The following DIAPH3 variants were observed in gnomAD, a reference collection of about 807,000 sequenced individuals.
DIAPH3 encodes protein diaphanous homolog 3.
In DIAPH3, 117 loss-of-function variants were observed where a neutral mutation model predicts 144.3. The ratio of observed to expected loss-of-function variants is 0.81; its 90% CI spans 0.70 to 0.95. The LOEUF (loss-of-function observed/expected upper bound fraction) is 0.95. Ranked by LOEUF, DIAPH3 falls within the 40% of genes least tolerant of loss-of-function variation. DIAPH3 has a pLI of 0.00. For synonymous variants in DIAPH3, 519 were observed against 488.9 expected, an observed-to-expected ratio of 1.06 and a Z score of -0.81; for missense variants, 1,421 against 1,412.7, an observed-to-expected ratio of 1.01 and a Z score of -0.09.
At chr13:59,839,170 T>C (rs1417598805) in intron 23 of DIAPH3, 154 bp downstream of exon 23, 2 of 738,424 alleles carry the variant, frequency 2.7e-6, no homozygotes, top group East Asian at 5.9e-5. Context: ...TGACAGACAC[T>C]TTGATAAATT....
intron 27 of DIAPH3, among the ~76,000 whole-genome samples, chr13:59,695,062 T>C (rs536922522): frequency 1.7e-4 from 26 of 152,342 alleles, no homozygotes; most frequent in Admixed American, 3.9e-4. Flanking sequence ...TAATCATCTT[T>C]CTAACTTTGA....
rs1566661225 is a variant in DIAPH3, at chr13:60,015,954, G to C, written c.730C>G (p.His244Asp). 6.2e-7 allele frequency: 1 copy of C among 1,613,316 alleles called. No individual in the cohort carries two copies. Among genetic ancestry groups the C allele is most frequent in the Non-Finnish European group, 8.5e-7 (1 of 1,179,722 alleles). ...GCTTTTAGACACTGTATGACTTTATGTTGATTTTTCTTTACAACTTTTTCT... is the reference window on the plus strand; with the variant it reads ...GCTTTTAGACACTGTATGACTTTATCTTGATTTTTCTTTACAACTTTTTCT... ...IQEKVVKKNQHKVIQCLKALM... is the reference protein window; with the variant it reads ...IQEKVVKKNQDKVIQCLKALM... The change falls in exon 7 of 28, where the codon CAT (histidine) becomes GAT (aspartate). Residue 244 changes from histidine to aspartate, a missense_variant. His to Asp is a moderately conservative substitution (Grantham distance 81). Transcript: ENST00000400324.
rs139038689 is a variant in DIAPH3, at chr13:60,054,709, G to A, written c.496-11889C>T. ...CAAAACAAGGGTAAGCACAGTTGCT[G>A]CCAAGAGGGTAATTATAATCTAAAT... is the stretch of plus-strand genomic sequence containing the variant. On this transcript the variant is annotated intron_variant, in intron 4 of 27. Coordinates refer to ENST00000400324, the MANE Select transcript of DIAPH3 (RefSeq NM_001042517.2). 2.4e-3 allele frequency among the ~76,000 whole-genome samples: 369 copies of A among 152,076 alleles called. 1 individual carries two copies. Among genetic ancestry groups the A allele is most frequent in the African/African-American group, 8.4e-3 (350 of 41,548 alleles).
chr13:59,683,838 C>A (rs1161307968), intron 27 of DIAPH3, among the ~76,000 whole-genome samples: 1 of 152,144 alleles, frequency 6.6e-6, no homozygotes, highest in Non-Finnish European at 1.5e-5. Flanking sequence ...TCCACCTGGG[C>A]CTCTCCTAAG....
At position 59,666,466 on chromosome 13, in the gene DIAPH3, T is replaced by C; in HGVS notation, c.*118A>G. The stretch of plus-strand genomic sequence containing the variant: ...TATATTTAGCTTTATTTTTCTAATA[T>C]ATATCATAATTTAAAACTATATAAA... On this transcript the variant is annotated 3_prime_UTR_variant, in exon 28 of 28. Coordinates refer to ENST00000400324, the MANE Select transcript of DIAPH3 (RefSeq NM_001042517.2). 6 of 1,173,876 alleles carry C rather than the reference T, an allele frequency of 5.1e-6. No individual in the cohort carries two copies. Among genetic ancestry groups the C allele is most frequent in the Non-Finnish European group, 7.1e-6 (6 of 843,302 alleles). The allele number at this position is 1,173,876 out of a possible 1,614,324, so 72.7% of individuals were successfully genotyped here.
At chr13:59,741,886 C>T (rs191169889) in intron 27 of DIAPH3, among the ~76,000 whole-genome samples, 164 of 152,214 alleles carry the variant, frequency 1.1e-3, no homozygotes, top group South Asian at 9.7e-3. Context: ...TAACGAAAGA[C>T]ATATTAACAA....
chr13:59,789,137 G>C (rs867656294), intron 25 of DIAPH3, among the ~76,000 whole-genome samples: 1 of 152,076 alleles, frequency 6.6e-6, no homozygotes, highest in Non-Finnish European at 1.5e-5. Context: ...GTCGGCGGGT[G>C]GGGGGGAATG....
intron 27 of DIAPH3, among the ~76,000 whole-genome samples, chr13:59,740,257 C>T (rs1347337797): frequency 1.3e-5 from 2 of 152,142 alleles, no homozygotes; most frequent in Non-Finnish European, 2.9e-5. Context: ...TTAAGAAATA[C>T]CTATTTTTGA....
chr13:59,935,808 T>A (rs1373460878), intron 17 of DIAPH3, among the ~76,000 whole-genome samples: 1 of 152,190 alleles, frequency 6.6e-6, no homozygotes, highest in Non-Finnish European at 1.5e-5. Flanking sequence ...CTGCCATAAC[T>A]AATCAGGATA....
intron 17 of DIAPH3, among the ~76,000 whole-genome samples, chr13:59,967,266 G>T (rs1377468803): frequency 6.6e-6 from 1 of 151,368 alleles, no homozygotes; most frequent in Non-Finnish European, 1.5e-5. Flanking sequence ...TAGAAATGAG[G>T]GTCTCATCAT....
chr13:59,895,941 CAA>C (rs2046069106), intron 20 of DIAPH3, among the ~76,000 whole-genome samples: 1 of 152,170 alleles, frequency 6.6e-6, no homozygotes, highest in South Asian at 2.1e-4. Flanking sequence ...TGATCCTAAA[CAA>C]AAACGTAAGG....
intron 25 of DIAPH3, among the ~76,000 whole-genome samples, chr13:59,795,948 T>A (rs1455124598): frequency 1.3e-5 from 2 of 152,192 alleles, no homozygotes; most frequent in African/African-American, 4.8e-5. Context: ...GGTAAGTGCA[T>A]CAATAAGAGG....
chr13:59,672,303 C>T (rs982186110), intron 27 of DIAPH3, among the ~76,000 whole-genome samples: 6 of 152,172 alleles, frequency 3.9e-5, no homozygotes, highest in African/African-American at 1.4e-4. Flanking sequence ...GGAGTGCCAA[C>T]TCTCAGATGA....
chr13:59,742,514 A>G (rs774517480), intron 27 of DIAPH3, among the ~76,000 whole-genome samples: 4 of 151,826 alleles, frequency 2.6e-5, no homozygotes, highest in Non-Finnish European at 5.9e-5. Flanking sequence ...ACAGATGAGT[A>G]GTAATCTAAA....
intron 25 of DIAPH3, among the ~76,000 whole-genome samples, chr13:59,789,076 T>C (rs531867959): frequency 6.6e-6 from 1 of 152,316 alleles, no homozygotes; most frequent in Admixed American, 6.5e-5. Context: ...TTGTGTGTTA[T>C]GTAGGGTCTA....
intron 4 of DIAPH3, among the ~76,000 whole-genome samples, chr13:60,046,925 G>A (rs943891778): frequency 5.3e-5 from 8 of 151,906 alleles, no homozygotes; most frequent in African/African-American, 1.2e-4. Context: ...GTTGAACAAC[G>A]AGAACACATG....
chr13:59,666,384 C>A lies in DIAPH3; in HGVS notation c.*200G>T. The A allele has an allele frequency of 1.9e-6, 1 of 529,198 alleles. No homozygotes were observed. Among genetic ancestry groups the A allele is most frequent in the Non-Finnish European group, 3.1e-6 (1 of 320,720 alleles). 32.8% of individuals were successfully genotyped at this position (529,198 alleles called of 1,614,324 possible). ...AAAAAAAAAAAAAAAGGATTAAAGC[C>A]CGGTACAATCTTGAATAAACCAAAA... On this transcript the variant is annotated 3_prime_UTR_variant, in exon 28 of 28. Coordinates refer to ENST00000400324, the MANE Select transcript of DIAPH3 (RefSeq NM_001042517.2).
chr13:59,878,116 C>G (rs2044751843), intron 21 of DIAPH3, among the ~76,000 whole-genome samples: 1 of 152,040 alleles, frequency 6.6e-6, no homozygotes, highest in African/African-American at 2.4e-5. Context: ...AAGATAGAAT[C>G]TAAAGATAGA....
chr13:60,030,612 A>G (rs1039138620), intron 5 of DIAPH3, among the ~76,000 whole-genome samples: 1 of 152,126 alleles, frequency 6.6e-6, no homozygotes, highest in South Asian at 2.1e-4. Context: ...ACAATGATAC[A>G]ATACCGGGTC....
Sources: gnomAD v4.1 joint callset for allele counts (sites outside exome capture counted in the v4.1 genomes callset) on GRCh38, gnomAD v4.1.1 for gene constraint, MANE v1.5 for transcripts, NCBI Gene and HGNC (gene_info 2026-07-23, HGNC 2026-07-21) for gene names.